The following NKAIN2 variants were observed in gnomAD, a reference collection of about 807,000 sequenced individuals.
NKAIN2 encodes the protein sodium/potassium-transporting ATPase subunit beta-1-interacting protein 2.
NKAIN2 carries 14 observed loss-of-function variants against 32.6 expected under a neutral mutation model. That is an observed-to-expected ratio of 0.43 (90% confidence interval 0.28 to 0.67). The LOEUF (loss-of-function observed/expected upper bound fraction) is 0.67, where lower values mean the gene tolerates loss of function less well. Among genes scored for constraint, NKAIN2 ranks in the 30% least tolerant of loss-of-function variants. NKAIN2 has a pLI of 0.17. For missense variants in NKAIN2, 198 were observed against 258.3 expected (o/e 0.77, Z 1.60); for synonymous variants, 80 against 87.2 (o/e 0.92, Z 0.46).
At chr6:124,648,431 C>G (rs1367474913) in intron 3 of NKAIN2, among the ~76,000 whole-genome samples, 1 of 152,032 alleles carries the variant, frequency 6.6e-6, no homozygotes, top group Non-Finnish European at 1.5e-5. Context: ...AAAGTAAATG[C>G]TCTAAGAAAA....
intron 4 of NKAIN2, among the ~76,000 whole-genome samples, chr6:124,725,358 C>T (rs909436361): frequency 5.9e-4 from 90 of 152,248 alleles, no homozygotes; most frequent in African/African-American, 2.1e-3. Flanking sequence ...CCCACCTTGG[C>T]CTCCCAAAGC....
chr6:124,608,077 G>A (rs1001162962), intron 3 of NKAIN2, among the ~76,000 whole-genome samples: 2 of 152,110 alleles, frequency 1.3e-5, no homozygotes, highest in African/African-American at 4.8e-5. Context: ...AAAAGTGTCT[G>A]TACAAAGATA....
At chr6:124,451,548 G>T (rs889104329) in intron 3 of NKAIN2, among the ~76,000 whole-genome samples, 9 of 152,090 alleles carry the variant, frequency 5.9e-5, no homozygotes, top group African/African-American at 2.2e-4. Flanking sequence ...AAGCTAGGGT[G>T]CTCATAAAAG....
At chr6:124,792,388 A>T (rs1001187772) in intron 5 of NKAIN2, among the ~76,000 whole-genome samples, 7 of 152,162 alleles carry the variant, frequency 4.6e-5, no homozygotes, top group Admixed American at 1.3e-4. Flanking sequence ...TCGTACTCAT[A>T]CATGATCTAA....
In NKAIN2 at chr6:124,763,706, A is replaced by G. The variant is rs541315167; in HGVS notation, c.475-27633A>G. On this transcript the variant is annotated intron_variant, in intron 4 of 6. Transcript: ENST00000368417. ...ATTTTAAATGTTCTCGACATGAAAA[A>G]TAAGTATATAAGGTAATAAATATGT... Among the ~76,000 whole-genome samples, 46 of 152,354 alleles carry G rather than the reference A, an allele frequency of 3.0e-4. 1 individual carries two copies. The highest frequency in any genetic ancestry group is 1.3e-4 in the Non-Finnish European group (9 of 68,038).
chr6:124,718,079 G>C (rs1345878360), intron 4 of NKAIN2, among the ~76,000 whole-genome samples: 2 of 151,858 alleles, frequency 1.3e-5, no homozygotes, highest in Non-Finnish European at 1.5e-5. Flanking sequence ...ATCTTACCAA[G>C]GTATAATTCC....
chr6:124,603,521 T>C (rs181447094), intron 3 of NKAIN2, among the ~76,000 whole-genome samples: 1 of 152,116 alleles, frequency 6.6e-6, no homozygotes, highest in Admixed American at 6.6e-5. Context: ...TTCCTTAATT[T>C]AACTCTTTTT....
intron 1 of NKAIN2, among the ~76,000 whole-genome samples, chr6:123,934,255 A>G (rs1447227775): frequency 1.3e-5 from 2 of 152,138 alleles, no homozygotes; most frequent in East Asian, 1.9e-4. Flanking sequence ...CTATGACTCC[A>G]TAGAATTATT....
At chr6:124,710,042 G>T (rs1389294731) in intron 4 of NKAIN2, among the ~76,000 whole-genome samples, 2 of 151,838 alleles carry the variant, frequency 1.3e-5, no homozygotes, top group African/African-American at 2.4e-5. Context: ...CTTTGTTCTC[G>T]TTGGTTTCAA....
intron 3 of NKAIN2, among the ~76,000 whole-genome samples, chr6:124,383,477 T>C (rs1195096736): frequency 6.6e-6 from 1 of 152,142 alleles, no homozygotes; most frequent in Non-Finnish European, 1.5e-5. Context: ...TCTGCCTAAC[T>C]ATCTCTTTCT....
intron 3 of NKAIN2, among the ~76,000 whole-genome samples, chr6:124,568,228 A>C (rs1780994522): frequency 6.6e-6 from 1 of 152,220 alleles, no homozygotes; most frequent in Non-Finnish European, 1.5e-5. Flanking sequence ...GAACATAGTG[A>C]ATAGTAAAGA....
intron 4 of NKAIN2, among the ~76,000 whole-genome samples, chr6:124,726,494 G>C (rs1224553274): frequency 6.7e-6 from 1 of 149,788 alleles, no homozygotes; most frequent in Non-Finnish European, 1.5e-5. Context: ...TGCAGCTGAG[G>C]GTCCTGCTGT....
intron 1 of NKAIN2, among the ~76,000 whole-genome samples, chr6:124,094,638 T>A (rs541334296): frequency 2.8e-4 from 43 of 152,252 alleles, no homozygotes; most frequent in African/African-American, 9.9e-4. Flanking sequence ...GTTAAATGCC[T>A]TATGTTTTTC....
At chr6:124,553,555 C>A (rs934927540) in intron 3 of NKAIN2, among the ~76,000 whole-genome samples, 1 of 152,158 alleles carries the variant, frequency 6.6e-6, no homozygotes, top group African/African-American at 2.4e-5. Context: ...GATCCACCTG[C>A]CTCGACCTCC....
intron 1 of NKAIN2, among the ~76,000 whole-genome samples, chr6:124,042,555 A>C (rs543658106): frequency 6.6e-6 from 1 of 152,088 alleles, no homozygotes; most frequent in Non-Finnish European, 1.5e-5. Context: ...CACAAACTGC[A>C]AGAGTATATT....
intron 3 of NKAIN2, among the ~76,000 whole-genome samples, chr6:124,387,355 C>T (rs1393644385): frequency 2.0e-5 from 3 of 151,592 alleles, no homozygotes; most frequent in African/African-American, 7.3e-5. Context: ...CCTCCTTGCC[C>T]CATTGCATGA....
chr6:124,369,549 GTT>G (rs1315913316), intron 3 of NKAIN2, among the ~76,000 whole-genome samples: 5 of 152,060 alleles, frequency 3.3e-5, no homozygotes, highest in Admixed American at 1.3e-4. Context: ...TGTGATTTAT[GTT>G]TTCAGCTCAT....
At chr6:124,368,660 C>A (rs1799623529) in intron 3 of NKAIN2, among the ~76,000 whole-genome samples, 1 of 152,052 alleles carries the variant, frequency 6.6e-6, no homozygotes, top group African/African-American at 2.4e-5. Flanking sequence ...GCAATGAGAG[C>A]AGGTAATCAG....
intron 1 of NKAIN2, among the ~76,000 whole-genome samples, chr6:124,229,481 A>AAGAT (rs1392477690): frequency 1.7e-4 from 22 of 132,210 alleles, no homozygotes; most frequent in East Asian, 2.5e-4. Context: ...AGTATTTTCA[A>AAGAT]AGATAGATAG....
Sources: gnomAD v4.1 joint callset for allele counts (sites outside exome capture counted in the v4.1 genomes callset) on GRCh38, gnomAD v4.1.1 for gene constraint, MANE v1.5 for transcripts, NCBI Gene and HGNC (gene_info 2026-07-23, HGNC 2026-07-21) for gene names.